GDAP2: variants seen among roughly 807,000 people sequenced by gnomAD.
GDAP2 encodes the protein ganglioside induced differentiation associated protein 2, also known as ganglioside-induced differentiation-associated protein 2.
In GDAP2, 51 loss-of-function variants were observed where a neutral mutation model predicts 67.0. The observed-to-expected ratio is 0.76, with a 90% CI of 0.61 to 0.96. The LOEUF (loss-of-function observed/expected upper bound fraction) is 0.96. Among genes scored for constraint, GDAP2 ranks in the 40% least tolerant of loss-of-function variants. The pLI is 0.00. For synonymous variants in GDAP2, 203 were observed against 207.3 expected (o/e 0.98, Z 0.18); for missense variants, 547 against 588.3 (o/e 0.93, Z 0.73).
chr1:117,926,506 C>G (rs1036290435), intron 1 of GDAP2, among the ~76,000 whole-genome samples: 17 of 152,188 alleles, frequency 1.1e-4, no homozygotes, highest in Non-Finnish European at 2.5e-4. Context: ...TGAAGTGTCA[C>G]AGTATTTAAC....
chr1:117,906,683 C>T (rs1232676441), intron 5 of GDAP2, 101 bp from the exon 6 acceptor site: 3 of 667,724 alleles, frequency 4.5e-6, no homozygotes, highest in Non-Finnish European at 7.9e-6. Flanking sequence ...TGGATCACTT[C>T]TCACTTCATT....
At chr1:117,922,994 C>T (rs907924118) in intron 1 of GDAP2, among the ~76,000 whole-genome samples, 1 of 152,166 alleles carries the variant, frequency 6.6e-6, no homozygotes, top group Non-Finnish European at 1.5e-5. Context: ...TTTCCCAGGG[C>T]TGTTAATTAT....
At position 117,863,972 on chromosome 1, in the gene GDAP2, G is replaced by A. The variant is rs191771311; in HGVS notation, c.*6597C>T. ...CCTGTTGAATACACAAAAACACTGA[G>A]GTTCAGAAAAAGTTGAGAAACAGGC... On this transcript the variant is annotated 3_prime_UTR_variant, in exon 14 of 14. Coordinates refer to ENST00000369443, the MANE Select transcript of GDAP2 (RefSeq NM_017686.4). 80 of 152,254 alleles carry A rather than the reference G, an allele frequency of 5.3e-4. No individual in the cohort carries two copies. The highest frequency in any genetic ancestry group is 1.9e-3 in the African/African-American group (78 of 41,548). The allele number at this position is 152,254 out of a possible 1,614,324, so 9.4% of individuals were successfully genotyped here. A position where few individuals can be genotyped will look rare whatever the true frequency, so the allele number is the denominator to read the frequency against.
intron 12 of GDAP2, among the ~76,000 whole-genome samples, chr1:117,878,362 A>C (rs979244771): frequency 2.0e-5 from 3 of 152,212 alleles, no homozygotes; most frequent in Admixed American, 2.0e-4. Flanking sequence ...CTGACTAGAG[A>C]CTATAAGAAG....
intron 9 of GDAP2, 47 bp downstream of exon 9, chr1:117,887,651 G>C: frequency 1.1e-6 from 1 of 894,296 alleles, no homozygotes; most frequent in East Asian, 2.4e-5. Context: ...ATGCTTGGTA[G>C]GGCTCTTAAT....
intron 3 of GDAP2, among the ~76,000 whole-genome samples, chr1:117,914,080 C>T (rs562358829): frequency 2.8e-4 from 43 of 152,276 alleles, no homozygotes; most frequent in Admixed American, 1.0e-3. Context: ...TTTGTTATAG[C>T]AGCCTGAAAT....
chr1:117,914,103 C>A (rs1002212917), intron 3 of GDAP2, among the ~76,000 whole-genome samples: 1 of 152,126 alleles, frequency 6.6e-6, no homozygotes, highest in Non-Finnish European at 1.5e-5. Context: ...CTTAGACACC[C>A]ATGTGTACAA....
At chr1:117,913,114 G>A (rs1221356648) in intron 3 of GDAP2, among the ~76,000 whole-genome samples, 1 of 152,192 alleles carries the variant, frequency 6.6e-6, no homozygotes, top group Non-Finnish European at 1.5e-5. Context: ...CTGGGCAGGG[G>A]CTTAGCCTTG....
At chr1:117,912,325 C>T (rs1407345556) in intron 4 of GDAP2, among the ~76,000 whole-genome samples, 1 of 152,100 alleles carries the variant, frequency 6.6e-6, no homozygotes, top group African/African-American at 2.4e-5. Context: ...GTTAAATTCT[C>T]AAGTCACTCA....
Position 117,918,709 on chromosome 1 carries a change from A to G in GDAP2, c.204T>C (p.Cys68=). 6.2e-7 allele frequency: 1 copy of G among 1,602,850 alleles called. No homozygotes were observed. Residue 68 remains cysteine, a synonymous_variant, in exon 3 of 14, where the codon TGT becomes TGC. Coordinates refer to ENST00000369443, the MANE Select transcript of GDAP2 (RefSeq NM_017686.4). ...LWKGDVALLN[C]TAIVNTSNES... Reference sequence around the variant, plus strand: ...CATTGCTGGTATTCACAATGGCTGTACAGTTCAGTAATGCCACATCTCCTT... The same window carrying G: ...CATTGCTGGTATTCACAATGGCTGTGCAGTTCAGTAATGCCACATCTCCTT...
intron 13 of GDAP2, among the ~76,000 whole-genome samples, chr1:117,873,450 C>T (rs1227384771): frequency 1.3e-5 from 2 of 151,976 alleles, no homozygotes; most frequent in East Asian, 3.9e-4. Context: ...CACTTCACTC[C>T]TTAACCAAAT....
chr1:117,875,258 T>C (rs1333803589), intron 13 of GDAP2, among the ~76,000 whole-genome samples: 2 of 152,206 alleles, frequency 1.3e-5, no homozygotes, highest in Non-Finnish European at 2.9e-5. Context: ...CACTTCAGGA[T>C]GCTGCTCTCT....
At chr1:117,900,830 G>A (rs1649433247) in intron 6 of GDAP2, among the ~76,000 whole-genome samples, 2 of 151,554 alleles carry the variant, frequency 1.3e-5, no homozygotes, top group Non-Finnish European at 2.9e-5. Flanking sequence ...GGAGGCCGAG[G>A]CGGACAGATC....
chr1:117,891,920 A>G (rs1377592911), intron 8 of GDAP2, among the ~76,000 whole-genome samples: 2 of 152,170 alleles, frequency 1.3e-5, no homozygotes, highest in Non-Finnish European at 1.5e-5. Flanking sequence ...GAATTAGTAT[A>G]AACTCTAAAA....
intron 6 of GDAP2, among the ~76,000 whole-genome samples, 172 bp from the exon 7 acceptor site, chr1:117,899,388 T>C (rs981489662): frequency 6.6e-6 from 1 of 152,172 alleles, no homozygotes; most frequent in Admixed American, 6.5e-5. Flanking sequence ...GCTTTTGTGT[T>C]AAAGATAAGG....
At chr1:117,882,620 G>T (rs1208158533) in intron 11 of GDAP2, among the ~76,000 whole-genome samples, 2 of 152,116 alleles carry the variant, frequency 1.3e-5, no homozygotes, top group Non-Finnish European at 2.9e-5. Flanking sequence ...CACAGTTGAG[G>T]CCTGTTCCAC....
At chr1:117,880,206 A>C (rs1385557490) in intron 12 of GDAP2, among the ~76,000 whole-genome samples, 1 of 152,052 alleles carries the variant, frequency 6.6e-6, no homozygotes, top group Non-Finnish European at 1.5e-5. Flanking sequence ...GAGAAGAGAG[A>C]GAGAGAGGCT....
chr1:117,917,574 G>A (rs1489911515), intron 3 of GDAP2, among the ~76,000 whole-genome samples: 1 of 152,190 alleles, frequency 6.6e-6, no homozygotes, highest in Non-Finnish European at 1.5e-5. Flanking sequence ...CCCCATTTTA[G>A]AGATGAGGAA....
chr1:117,910,743 T>C (rs1649826614), intron 5 of GDAP2, among the ~76,000 whole-genome samples: 1 of 152,312 alleles, frequency 6.6e-6, no homozygotes, highest in Middle Eastern at 3.4e-3. Context: ...TCTGCATGAA[T>C]GTTCCTAGTG....
Sources: allele counts gnomAD v4.1 joint callset (sites outside exome capture counted in the v4.1 genomes callset), GRCh38; gene constraint gnomAD v4.1.1; transcripts MANE v1.5; gene names NCBI Gene and HGNC (gene_info 2026-07-23, HGNC 2026-07-21).